The following MYO3B variants were observed in gnomAD, a reference collection of about 807,000 sequenced individuals.
The protein encoded by MYO3B is myosin IIIB, also known as myosin-IIIb.
In MYO3B, 156 loss-of-function variants were observed where a neutral mutation model predicts 174.6. The ratio of observed to expected loss-of-function variants is 0.89; its 90% CI spans 0.78 to 1.02. The LOEUF is 1.02. Ranked by LOEUF, MYO3B falls within the 50% of genes least tolerant of loss-of-function variation. The pLI is 0.00. For synonymous variants in MYO3B, 563 were observed against 569.1 expected (o/e 0.99, Z 0.15); for missense variants, 1,632 against 1,639.4 (o/e 1.00, Z 0.08).
In MYO3B at chr2:170,214,472, G is replaced by T; in HGVS notation, c.415G>T (p.Gly139Trp). Residue 139 changes from glycine to tryptophan, a missense_variant, in exon 4 of 35, where the codon GGG (glycine) becomes TGG (tryptophan). Coordinates refer to ENST00000408978, the MANE Select transcript of MYO3B (RefSeq NM_138995.5). ...AGCAATGATCTCATACATCTTGTAC[G>T]GGGCCCTCTTGGTAAGAACATCTAT... ...DEAMISYILY[G>W]ALLGLQHLHN... The T allele has an allele frequency of 6.2e-7, 1 of 1,614,012 alleles. No homozygotes were observed. Among genetic ancestry groups the T allele is most frequent in the South Asian group, 1.1e-5 (1 of 91,068 alleles).
At chr2:170,479,100 A>G (rs1685512113) in intron 25 of MYO3B, among the ~76,000 whole-genome samples, 1 of 150,288 alleles carries the variant, frequency 6.7e-6, no homozygotes, top group Admixed American at 6.6e-5. Flanking sequence ...CCTGGCCAAC[A>G]TGGTAAAACC....
rs571745817 is a variant in MYO3B at position 170,542,821 on chromosome 2, A to G, written c.3576-85A>G. ...AAGCATAAAAAGTATGTTTTGATAT[A>G]TCTTTGAAGAAAAACAGTCCTCTCT... is the stretch of plus-strand genomic sequence containing the variant. On this transcript the variant is annotated intron_variant, in intron 30 of 34. Transcript: ENST00000408978. 4 of 1,039,424 alleles carry G rather than the reference A, an allele frequency of 3.8e-6. No homozygotes were observed. The Admixed American group carries it at 9.2e-5, about 24-fold the overall frequency. 64.4% of individuals were successfully genotyped at this position (1,039,424 alleles called of 1,614,324 possible). A position where few individuals can be genotyped will look rare whatever the true frequency, so the allele number is the denominator to read the frequency against.
chr2:170,617,503 G>A (rs1695539716), intron 32 of MYO3B, among the ~76,000 whole-genome samples: 1 of 152,154 alleles, frequency 6.6e-6, no homozygotes, highest in South Asian at 2.1e-4. Context: ...ACTCCATATA[G>A]AGAGTATATA....
chr2:170,563,601 A>T (rs1270753602), intron 32 of MYO3B, among the ~76,000 whole-genome samples: 1 of 152,242 alleles, frequency 6.6e-6, no homozygotes, highest in Non-Finnish European at 1.5e-5. Flanking sequence ...GTTAGGAATT[A>T]GTCTGTGCTT....
chr2:170,280,223 GC>G (rs781377577), intron 7 of MYO3B, among the ~76,000 whole-genome samples: 12 of 152,046 alleles, frequency 7.9e-5, no homozygotes, highest in Non-Finnish European at 1.3e-4. Context: ...GTGATGTTGA[GC>G]TTTTTTTCAT....
intron 3 of MYO3B, among the ~76,000 whole-genome samples, chr2:170,208,422 G>C (rs1029907093): frequency 3.9e-5 from 6 of 152,156 alleles, no homozygotes; most frequent in African/African-American, 1.4e-4. Context: ...TAGCTCCCTT[G>C]GTCTTACTTT....
chr2:170,615,206 C>T (rs1386418658), intron 32 of MYO3B, among the ~76,000 whole-genome samples: 2 of 152,202 alleles, frequency 1.3e-5, no homozygotes, highest in Non-Finnish European at 2.9e-5. Flanking sequence ...CTTCCTCCCT[C>T]ACTTCACCAC....
intron 24 of MYO3B, among the ~76,000 whole-genome samples, chr2:170,464,998 C>T (rs1684528895): frequency 6.6e-6 from 1 of 151,310 alleles, no homozygotes. Context: ...TCCCACGTAG[C>T]TGGGACTACA....
chr2:170,607,077 TTAA>T (rs1449913095), intron 32 of MYO3B, among the ~76,000 whole-genome samples: 1 of 152,156 alleles, frequency 6.6e-6, no homozygotes, highest in Admixed American at 6.5e-5. Context: ...TACTCTTCTC[TTAA>T]TAAGTAATTA....
At chr2:170,370,353 T>C (rs543189755) in intron 9 of MYO3B, among the ~76,000 whole-genome samples, 5 of 152,302 alleles carry the variant, frequency 3.3e-5, no homozygotes, top group African/African-American at 1.2e-4. Context: ...GCTGGAGGCG[T>C]AGTATCAAGG....
At chr2:170,627,989 C>CG (rs1696608958) in intron 32 of MYO3B, among the ~76,000 whole-genome samples, 1 of 152,198 alleles carries the variant, frequency 6.6e-6, no homozygotes, top group Admixed American at 6.5e-5. Context: ...TTAGGCTACT[C>CG]GGGGGTCAGG....
At chr2:170,459,010 G>A (rs7584037) in intron 23 of MYO3B, among the ~76,000 whole-genome samples, 21,496 of 152,048 alleles carry the variant, frequency 0.14, 1,685 homozygotes, top group East Asian at 0.27. Context: ...TGTTCCTCCC[G>A]TCCGGAGTTG....
chr2:170,358,795 A>T (rs1202181695), intron 8 of MYO3B, among the ~76,000 whole-genome samples: 2 of 152,166 alleles, frequency 1.3e-5, no homozygotes, highest in South Asian at 2.1e-4. Context: ...TCTCCGTAGT[A>T]GGCAAATTCC....
At chr2:170,596,308 C>G (rs780491295) in intron 32 of MYO3B, among the ~76,000 whole-genome samples, 2 of 152,188 alleles carry the variant, frequency 1.3e-5, no homozygotes, top group Admixed American at 6.5e-5. Flanking sequence ...TACCTGAACT[C>G]CCCCAAAAGC....
chr2:170,546,825 T>A (rs1191634092), intron 32 of MYO3B, among the ~76,000 whole-genome samples: 3 of 152,122 alleles, frequency 2.0e-5, no homozygotes, highest in Non-Finnish European at 4.4e-5. Flanking sequence ...CTTTTCAGTT[T>A]AAAAAAACAC....
At chr2:170,590,835 T>C (rs1186718219) in intron 32 of MYO3B, among the ~76,000 whole-genome samples, 1 of 152,114 alleles carries the variant, frequency 6.6e-6, no homozygotes, top group East Asian at 1.9e-4. Flanking sequence ...CAGTGGCTTC[T>C]CTCCCTCAGG....
rs1178997569 is a variant in MYO3B at position 170,196,242 on chromosome 2, C to G, written c.3-2966C>G. The stretch of plus-strand genomic sequence containing the variant: ...CTAGTATTGGCCAGATGTGGTGGCT[C>G]ATGTCTGTAATCCTAGCACTTTGGG... On this transcript the variant is annotated intron_variant, in intron 1 of 34. Coordinates refer to ENST00000408978, the MANE Select transcript of MYO3B (RefSeq NM_138995.5). Among the ~76,000 whole-genome samples, 3 of 152,174 alleles carry G rather than the reference C, an allele frequency of 2.0e-5. No individual in the cohort carries two copies. In the East Asian group the frequency reaches 5.8e-4, roughly 29 times the overall value.
At chr2:170,358,474 T>G (rs955153388) in intron 8 of MYO3B, among the ~76,000 whole-genome samples, 1 of 152,092 alleles carries the variant, frequency 6.6e-6, no homozygotes, top group Non-Finnish European at 1.5e-5. Context: ...GGTTTCTTTT[T>G]GGGGTGATGA....
At chr2:170,218,206 T>A (rs190849215) in intron 6 of MYO3B, among the ~76,000 whole-genome samples, 1 of 152,296 alleles carries the variant, frequency 6.6e-6, no homozygotes, top group Non-Finnish European at 1.5e-5. Flanking sequence ...TTAAATTTCT[T>A]CAGTGACCTC....
Sources: gnomAD v4.1 joint callset for allele counts (sites outside exome capture counted in the v4.1 genomes callset) on GRCh38, gnomAD v4.1.1 for gene constraint, MANE v1.5 for transcripts, NCBI Gene and HGNC (gene_info 2026-07-23, HGNC 2026-07-21) for gene names.